CPPED1: variants seen among roughly 807,000 people sequenced by gnomAD.
The protein encoded by CPPED1 is calcineurin like phosphoesterase domain containing 1.
Under a neutral mutation model 28.0 loss-of-function variants are expected in CPPED1, and 28 were observed. The observed-to-expected ratio is 1.00, with a 90% CI of 0.74 to 1.37. The LOEUF is 1.37. Ranked by LOEUF, CPPED1 falls within the 40% of genes most tolerant of loss-of-function variation. The pLI is 0.00. For synonymous variants in CPPED1, 198 were observed against 180.2 expected, an observed-to-expected ratio of 1.10 and a Z score of -0.79; for missense variants, 504 against 416.5, an observed-to-expected ratio of 1.21 and a Z score of -1.83.
intron 3 of CPPED1, among the ~76,000 whole-genome samples, chr16:12,698,190 A>C (rs1452057037): frequency 2.0e-5 from 3 of 152,106 alleles, no homozygotes; most frequent in Non-Finnish European, 1.5e-5. Flanking sequence ...AGTAGACTTG[A>C]ATCACGCTTA....
chr16:12,789,106 G>A (rs1341225307), intron 1 of CPPED1, among the ~76,000 whole-genome samples: 1 of 152,170 alleles, frequency 6.6e-6, no homozygotes, highest in South Asian at 2.1e-4. Context: ...CTGGCTTTCT[G>A]GATTCTCTTG....
At chr16:12,744,220 G>A (rs951358151) in intron 2 of CPPED1, among the ~76,000 whole-genome samples, 8 of 151,688 alleles carry the variant, frequency 5.3e-5, no homozygotes, top group African/African-American at 1.7e-4. Context: ...AGCTTGCAGT[G>A]AGATTGTGCC....
rs967506423 is a variant in CPPED1 at position 12,682,882 on chromosome 16, C to T, written c.716-17767G>A. Among the ~76,000 whole-genome samples the T allele has an allele frequency of 6.6e-6, 1 of 152,214 alleles. No homozygotes were observed. The highest frequency in any genetic ancestry group is 2.4e-5 in the African/African-American group (1 of 41,438). On this transcript the variant is annotated intron_variant, in intron 3 of 3. Transcript: ENST00000381774. The surrounding 1 kb of genome is among the most constrained non-coding windows in gnomAD (Gnocchi z 6.1). ...TGGGGCCCACATTAAGGTTTCAATC[C>T]AGAATGGACAATTTTCTAGATTTCC...
At position 12,660,918 on chromosome 16, in the gene CPPED1, G is replaced by C. The variant is rs1293428267; in HGVS notation, c.*3968C>G. Reference sequence around the variant, plus strand: ...GCTTGGGGCCAGGAGTTCAAGACCAGCCTGGGTAACAGAGCAAGACCTTCA... The same window carrying C: ...GCTTGGGGCCAGGAGTTCAAGACCACCCTGGGTAACAGAGCAAGACCTTCA... On this transcript the variant is annotated 3_prime_UTR_variant, in exon 4 of 4. Transcript: ENST00000381774. 6.6e-6 allele frequency: 1 copy of C among 152,298 alleles called. No homozygotes were observed. The highest frequency in any genetic ancestry group is 2.4e-5 in the African/African-American group (1 of 41,434). 9.4% of individuals were successfully genotyped at this position (152,298 alleles called of 1,614,324 possible). A position where few individuals can be genotyped will look rare whatever the true frequency, so the allele number is the denominator to read the frequency against.
chr16:12,704,915 ACTC>A lies in CPPED1; in HGVS notation c.421_423del (p.Glu141del). 2 of 1,613,796 alleles carry A rather than the reference ACTC, an allele frequency of 1.2e-6. No individual in the cohort carries two copies. Among genetic ancestry groups the A allele is most frequent in the Non-Finnish European group, 1.7e-6 (2 of 1,179,942 alleles). ...TAGTCATCTCCCCAAGTCCGGCAGA[ACTC>A]CTCGACGGTCTCGGCCGTGGGGGTG... On this transcript the variant is annotated inframe_deletion, in exon 3 of 4. Coordinates refer to ENST00000381774, the MANE Select transcript of CPPED1 (RefSeq NM_018340.3).
chr16:12,683,525 C>G (rs75155710), intron 3 of CPPED1, among the ~76,000 whole-genome samples: 3,885 of 152,274 alleles, frequency 0.026, 155 homozygotes, highest in East Asian at 0.13. Context: ...TTCTGGACAT[C>G]CTTGCAAGCT....
chr16:12,786,534 C>T (rs1328103253), intron 1 of CPPED1, among the ~76,000 whole-genome samples: 1 of 152,140 alleles, frequency 6.6e-6, no homozygotes, highest in Non-Finnish European at 1.5e-5. Flanking sequence ...GGATTTGGCC[C>T]TAAATATTTC....
intron 3 of CPPED1, among the ~76,000 whole-genome samples, chr16:12,689,217 CT>C (rs869107040): frequency 3.3e-3 from 279 of 83,584 alleles, no homozygotes; most frequent in Middle Eastern, 0.01. Context: ...GAAAAGAGGG[CT>C]TTTTTTTTTT....
At position 12,716,441 on chromosome 16, in the gene CPPED1, G is replaced by C. The variant is rs546329238; in HGVS notation, c.290-11392C>G. Among the ~76,000 whole-genome samples, 385 of 152,308 alleles carry C rather than the reference G, an allele frequency of 2.5e-3. 3 individuals carry two copies. Among genetic ancestry groups the C allele is most frequent in the Admixed American group, 5.6e-3 (86 of 15,304 alleles). ...CTACTGCCAAGTCCCTTCGCTGGAA[G>C]GAAAGAGCACAATTCATTTCTGTTT... On this transcript the variant is annotated intron_variant, in intron 2 of 3. Coordinates refer to ENST00000381774, the MANE Select transcript of CPPED1 (RefSeq NM_018340.3).
In CPPED1 at chr16:12,759,807, TGTAA is replaced by T. The variant is rs201745968; in HGVS notation, c.289+21374_289+21377del. The stretch of plus-strand genomic sequence containing the variant: ...CTTCTCCTTTGCCTTCCATCTTGAC[TGTAA>T]GTTTCCTGAGGCTCCCCAGCCATGT... On this transcript the variant is annotated intron_variant, in intron 2 of 3. Transcript: ENST00000381774. 6.4e-3 allele frequency among the ~76,000 whole-genome samples: 974 copies of T among 152,342 alleles called. 9 individuals are homozygous for T. Among genetic ancestry groups the T allele is most frequent in the African/African-American group, 0.022 (900 of 41,578 alleles).
At chr16:12,723,769 A>C (rs2080154819) in intron 2 of CPPED1, among the ~76,000 whole-genome samples, 1 of 152,182 alleles carries the variant, frequency 6.6e-6, no homozygotes, top group Non-Finnish European at 1.5e-5. Context: ...GCTCTGGGAG[A>C]AGGAATGCTC....
At chr16:12,795,429 T>A (rs1034274166) in intron 1 of CPPED1, among the ~76,000 whole-genome samples, 1 of 152,096 alleles carries the variant, frequency 6.6e-6, no homozygotes, top group South Asian at 2.1e-4. Context: ...AAACTCCGCC[T>A]CCCAGGCGCA....
At chr16:12,754,967 C>T (rs539890103) in intron 2 of CPPED1, among the ~76,000 whole-genome samples, 9 of 152,170 alleles carry the variant, frequency 5.9e-5, no homozygotes, top group Non-Finnish European at 1.0e-4. Flanking sequence ...GCCGTGACTA[C>T]AGCACTGCAC....
intron 2 of CPPED1, among the ~76,000 whole-genome samples, chr16:12,778,885 T>C (rs1391550280): frequency 6.6e-6 from 1 of 152,240 alleles, no homozygotes; most frequent in Non-Finnish European, 1.5e-5. Context: ...TACATTCTGC[T>C]TGAGTTGCAC....
intron 2 of CPPED1, among the ~76,000 whole-genome samples, chr16:12,710,290 T>C (rs1353275700): frequency 1.3e-5 from 2 of 152,148 alleles, no homozygotes; most frequent in African/African-American, 4.8e-5. Context: ...GGAATCCTCA[T>C]TGTACTGGTT....
chr16:12,718,696 C>T (rs1003817295), intron 2 of CPPED1, among the ~76,000 whole-genome samples: 9 of 152,188 alleles, frequency 5.9e-5, no homozygotes, highest in African/African-American at 2.2e-4. Flanking sequence ...GGAGCGGTGG[C>T]TCACGCCTGT....
intron 2 of CPPED1, among the ~76,000 whole-genome samples, chr16:12,717,447 G>T (rs2080113176): frequency 6.6e-6 from 1 of 152,086 alleles, no homozygotes; most frequent in South Asian, 2.1e-4. Context: ...TGTATTTTTA[G>T]TACAGACAGG....
intron 2 of CPPED1, among the ~76,000 whole-genome samples, chr16:12,723,256 G>A (rs1309137790): frequency 1.3e-5 from 2 of 152,186 alleles, no homozygotes; most frequent in Non-Finnish European, 2.9e-5. Context: ...GCAATTACAG[G>A]TGTGACTTCT....
chr16:12,720,158 C>G (rs909434566), intron 2 of CPPED1, among the ~76,000 whole-genome samples: 1 of 152,176 alleles, frequency 6.6e-6, no homozygotes, highest in South Asian at 2.1e-4. Flanking sequence ...GAGAGAGATA[C>G]GCTCTTGGTT....
Sources: allele counts gnomAD v4.1 joint callset (sites outside exome capture counted in the v4.1 genomes callset), GRCh38; gene constraint gnomAD v4.1.1; non-coding constraint Gnocchi (gnomAD v3.1); transcripts MANE v1.5; gene names NCBI Gene and HGNC (gene_info 2026-07-23, HGNC 2026-07-21).